Variants in FAM210A observed in about 807,000 individuals in gnomAD.
FAM210A encodes the protein mitochondrial inner membrane scaffold 1, also known as family with sequence similarity 210 member A.
FAM210A carries 13 observed loss-of-function variants against 25.3 expected under a neutral mutation model. The observed-to-expected ratio is 0.51, with a 90% CI of 0.33 to 0.82. FAM210A has a LOEUF of 0.82. FAM210A is among the 40% of genes least tolerant of loss of function. FAM210A has a pLI of 0.02. For missense variants in FAM210A, 319 were observed against 323.2 expected (o/e 0.99, Z 0.10); for synonymous variants, 125 against 118.7 (o/e 1.05, Z -0.35).
chr18:13,703,719 G>A (rs917707219), intron 1 of FAM210A, among the ~76,000 whole-genome samples: 10 of 152,222 alleles, frequency 6.6e-5, no homozygotes, highest in East Asian at 1.9e-4. Context: ...TAGCGTTTAC[G>A]TAAAAAAGCT....
intron 1 of FAM210A, among the ~76,000 whole-genome samples, chr18:13,686,343 C>T (rs966770119): frequency 2.9e-5 from 4 of 140,118 alleles, no homozygotes; most frequent in African/African-American, 9.8e-5. Flanking sequence ...CTTGTTATTG[C>T]CATAAGTAAC....
At chr18:13,698,075 G>C (rs755385193) in intron 1 of FAM210A, among the ~76,000 whole-genome samples, 2 of 152,062 alleles carry the variant, frequency 1.3e-5, no homozygotes, top group African/African-American at 4.8e-5. Flanking sequence ...AGAACTGGCC[G>C]GGCGTGGTGG....
chr18:13,716,385 T>C (rs2043862150), intron 1 of FAM210A, among the ~76,000 whole-genome samples: 1 of 152,148 alleles, frequency 6.6e-6, no homozygotes, highest in East Asian at 1.9e-4. Context: ...CATAGCATTG[T>C]GTGGCTGGCT....
chr18:13,718,939 G>A (rs2043880013), intron 1 of FAM210A, among the ~76,000 whole-genome samples: 1 of 152,118 alleles, frequency 6.6e-6, no homozygotes, highest in African/African-American at 2.4e-5. Flanking sequence ...TTGATCATCA[G>A]AGTACCAGAA....
At chr18:13,689,899 C>T (rs901000206) in intron 1 of FAM210A, among the ~76,000 whole-genome samples, 8 of 152,158 alleles carry the variant, frequency 5.3e-5, no homozygotes, top group African/African-American at 1.2e-4. Context: ...ACTGAGGTAC[C>T]GGGTTCATCT....
intron 1 of FAM210A, among the ~76,000 whole-genome samples, chr18:13,707,871 C>T (rs2043791144): frequency 6.6e-6 from 1 of 152,162 alleles, no homozygotes; most frequent in Admixed American, 6.5e-5. Context: ...CTATATCTCA[C>T]TTCCGATTCC....
intron 2 of FAM210A, among the ~76,000 whole-genome samples, chr18:13,676,211 C>T (rs565536043): frequency 5.4e-4 from 44 of 80,892 alleles, no homozygotes; most frequent in Non-Finnish European, 9.3e-4. Context: ...TCCTGAGCCC[C>T]GGCTTCTTTA....
chr18:13,682,099 T>G lies in FAM210A; in HGVS notation c.-22A>C, dbSNP rs374211419. ...GCATTTTGAAGAGTGTTGATAGGTT[T>G]CAGCTTCTACAAAGACAATTTTTCA... On this transcript the variant is annotated 5_prime_UTR_variant, in exon 2 of 4. Coordinates refer to ENST00000651643, the MANE Select transcript of FAM210A (RefSeq NM_152352.4). 21 of 1,529,578 alleles carry G rather than the reference T, an allele frequency of 1.4e-5. No homozygotes were observed. In the East Asian group the frequency reaches 2.0e-4, roughly 15 times the overall value. The allele number at this position is 1,529,578 out of a possible 1,614,324, so 94.8% of individuals were successfully genotyped here.
rs1330663080 is a variant in FAM210A at position 13,666,677 on chromosome 18, C to T, written c.622G>A (p.Gly208Arg). ...AGATACTTCACAGTGACAGATGTTC[C>T]TCCCAAAGTCACGGTATACCGAGCA... ...TPARYTVTLG[G>R]TSVTVKYLRS... Residue 208 changes from glycine (G) to arginine (R), a missense_variant, in exon 4 of 4, where the codon GGA (glycine) becomes AGA (arginine). Coordinates refer to ENST00000651643, the MANE Select transcript of FAM210A (RefSeq NM_152352.4). The T allele has an allele frequency of 6.2e-7, 1 of 1,614,064 alleles. No homozygotes were observed.
At chr18:13,692,751 T>C (rs2043657967) in intron 1 of FAM210A, among the ~76,000 whole-genome samples, 1 of 152,272 alleles carries the variant, frequency 6.6e-6, no homozygotes, top group African/African-American at 2.4e-5. Flanking sequence ...TAAATCAGTG[T>C]GTAGAGGGAA....
intron 2 of FAM210A, among the ~76,000 whole-genome samples, chr18:13,673,243 C>T (rs1479739173): frequency 6.6e-6 from 1 of 151,702 alleles, no homozygotes. Context: ...ATTCCTGAGC[C>T]CCGACTTCAT....
chr18:13,705,770 C>T (rs2043773588), intron 1 of FAM210A, among the ~76,000 whole-genome samples: 2 of 152,212 alleles, frequency 1.3e-5, no homozygotes, highest in South Asian at 4.1e-4. Flanking sequence ...CTGTGCCCAG[C>T]CTGCTAAAAT....
At chr18:13,702,918 C>T (rs931111122) in intron 1 of FAM210A, among the ~76,000 whole-genome samples, 10 of 152,048 alleles carry the variant, frequency 6.6e-5, no homozygotes, top group Non-Finnish European at 1.5e-4. Context: ...GCCTGGCTAA[C>T]GTTGGGTAAT....
intron 1 of FAM210A, among the ~76,000 whole-genome samples, chr18:13,717,271 G>A (rs1356668245): frequency 1.3e-5 from 2 of 152,158 alleles, no homozygotes; most frequent in Middle Eastern, 3.2e-3. Context: ...ATTAGTGCCC[G>A]AGATTAGTGC....
At chr18:13,682,169 T>C (rs998684814) in intron 1 of FAM210A, 64 bp from the exon 2 acceptor site, 16 of 1,105,456 alleles carry the variant, frequency 1.4e-5, no homozygotes, top group Non-Finnish European at 1.9e-5. Context: ...ATCAATTCAT[T>C]TGAAAATCAA....
intron 1 of FAM210A, among the ~76,000 whole-genome samples, chr18:13,713,595 C>G (rs930271014): frequency 6.6e-6 from 1 of 152,150 alleles, no homozygotes; most frequent in African/African-American, 2.4e-5. Flanking sequence ...GACCATCAAA[C>G]GATGTCTGAG....
chr18:13,682,816 T>C (rs889665306), intron 1 of FAM210A, among the ~76,000 whole-genome samples: 1 of 152,100 alleles, frequency 6.6e-6, no homozygotes, highest in Non-Finnish European at 1.5e-5. Flanking sequence ...TTGCAGTGAG[T>C]TGAGATCATG....
chr18:13,703,696 T>C (rs2043757855), intron 1 of FAM210A, among the ~76,000 whole-genome samples: 2 of 152,348 alleles, frequency 1.3e-5, no homozygotes, highest in South Asian at 4.1e-4. Context: ...TAGTTATATA[T>C]GTGTTGTGTG....
intron 1 of FAM210A, among the ~76,000 whole-genome samples, chr18:13,695,004 C>G (rs2043680084): frequency 6.6e-6 from 1 of 152,178 alleles, no homozygotes; most frequent in Non-Finnish European, 1.5e-5. Flanking sequence ...CTACAAAGAA[C>G]TTAAACAAAC....
Sources: allele counts gnomAD v4.1 joint callset (sites outside exome capture counted in the v4.1 genomes callset), GRCh38; gene constraint gnomAD v4.1.1; transcripts MANE v1.5; gene names NCBI Gene and HGNC (gene_info 2026-07-23, HGNC 2026-07-21).